THBS2: variants seen among roughly 807,000 people sequenced by gnomAD.
THBS2 encodes the protein thrombospondin-2.
THBS2 carries 47 observed loss-of-function variants against 135.2 expected under a neutral mutation model. The ratio of observed to expected loss-of-function variants is 0.35; its 90% CI spans 0.28 to 0.44. THBS2 has a LOEUF of 0.44. Among genes scored for constraint, THBS2 ranks in the 20% least tolerant of loss-of-function variants. The pLI is 1.00. For synonymous variants in THBS2, 639 were observed against 633.8 expected (o/e 1.01, Z -0.12); for missense variants, 1,288 against 1,603.1 (o/e 0.80, Z 3.36).
intron 17 of THBS2, among the ~76,000 whole-genome samples, chr6:169,224,327 A>G (rs991820925): frequency 2.0e-5 from 3 of 152,216 alleles, no homozygotes; most frequent in African/African-American, 7.2e-5. Context: ...GAAAGGCTGC[A>G]TGGGGAGCAA....
intron 2 of THBS2, among the ~76,000 whole-genome samples, chr6:169,249,990 A>C (rs550950571): frequency 4.3e-4 from 65 of 152,050 alleles, no homozygotes; most frequent in Non-Finnish European, 7.9e-4. Flanking sequence ...AGATCACGCC[A>C]CTGCACTCCA....
At chr6:169,222,964 T>TAGATCCA (rs1227160652) in intron 18 of THBS2, among the ~76,000 whole-genome samples, 1 of 152,178 alleles carries the variant, frequency 6.6e-6, no homozygotes, top group Non-Finnish European at 1.5e-5. Context: ...GTATTTCTTT[T>TAGATCCA]AGATCCAACT....
At chr6:169,239,782 A>ACCTTCTAGTTTTTTCC in intron 6 of THBS2, 87 bp from the exon 7 acceptor site, 1 of 975,264 alleles carries the variant, frequency 1.0e-6, no homozygotes, top group African/African-American at 1.6e-5. Flanking sequence ...GGGTCGACAG[A>ACCTTCTAGTTTTTTCC]ATGGCTGAAT....
At chr6:169,223,512 CAAA>C (rs1779507669) in intron 17 of THBS2, 37 bp from the exon 18 acceptor site, 9 of 1,585,476 alleles carry the variant, frequency 5.7e-6, no homozygotes, top group African/African-American at 2.7e-5. Flanking sequence ...AAAACAAAAA[CAAA>C]GAAGCAAAGT....
intron 19 of THBS2, 96 bp downstream of exon 19, chr6:169,222,101 C>CA (rs1779448452): frequency 7.1e-7 from 1 of 1,411,494 alleles, no homozygotes; most frequent in African/African-American, 1.4e-5. Context: ...TTAATAAAGA[C>CA]AAAAGTGGGG....
At chr6:169,239,300 G>T in intron 7 of THBS2, 2 of 429,470 alleles carry the variant, frequency 4.7e-6, no homozygotes, top group Non-Finnish European at 4.2e-6. Context: ...CTCAGCTGGG[G>T]CTCCATCGGG....
chr6:169,221,900 T>C (rs1779443244), intron 19 of THBS2, among the ~76,000 whole-genome samples: 1 of 152,244 alleles, frequency 6.6e-6, no homozygotes, highest in African/African-American at 2.4e-5. Context: ...AATATTTTTT[T>C]CATATTATAT....
Position 169,250,725 on chromosome 6 carries a change from A to T in THBS2, c.52+8T>A. ...CAGAGAGAGACCACAGGCTCTGAGG[A>T]CACTCACCTTGCGTGCTGGGCCACA... On this transcript the variant is annotated splice_region_variant and intron_variant, in intron 2 of 21. Transcript: ENST00000617924. 6.2e-7 allele frequency: 1 copy of T among 1,612,974 alleles called. No homozygotes were observed. The highest frequency in any genetic ancestry group is 1.3e-5 in the African/African-American group (1 of 75,018).
At chr6:169,229,794 CCT>C in intron 13 of THBS2, 115 bp from the exon 14 acceptor site, 1 of 774,328 alleles carries the variant, frequency 1.3e-6, no homozygotes, top group East Asian at 2.6e-5. Context: ...CCCCATCAGT[CCT>C]CGATCTCAAG....
Position 169,232,674 on chromosome 6 carries a change from GT to G in THBS2, c.1921del (p.Thr641ArgfsTer109). 6.2e-7 allele frequency: 1 copy of G among 1,604,662 alleles called. No homozygotes were observed. The highest frequency in any genetic ancestry group is 1.7e-5 in the Admixed American group (1 of 57,882). ...PVGVGLEAAK[T>X]EKQVCEPENP... ...GCCGGCCTTGCGTACTTGCTTTTCC[GT>G]CTTGGCTGCTTCCAGGCCGACCCCG... On this transcript the variant is annotated frameshift_variant, in exon 12 of 22. Coordinates refer to ENST00000617924, the MANE Select transcript of THBS2 (RefSeq NM_003247.5). LOFTEE classifies it high-confidence loss of function.
intron 9 of THBS2, among the ~76,000 whole-genome samples, chr6:169,236,442 TCATTGCCCCGTAAACACCATCCA>T (rs1437936726): frequency 5.7e-5 from 6 of 105,300 alleles, no homozygotes; most frequent in African/African-American, 1.5e-4. Context: ...CCATCCACAC[TCATTGCCCCGTAAACACCATCCA>T]CACTCACTCC....
At chr6:169,223,747 C>T (rs1018706678) in intron 17 of THBS2, among the ~76,000 whole-genome samples, 1 of 152,312 alleles carries the variant, frequency 6.6e-6, no homozygotes, top group East Asian at 1.9e-4. Context: ...CCATTTCTCA[C>T]CGTGTTCCAA....
At chr6:169,230,819 G>A (rs982919751) in intron 13 of THBS2, among the ~76,000 whole-genome samples, 5 of 152,052 alleles carry the variant, frequency 3.3e-5, no homozygotes, top group African/African-American at 1.2e-4. Context: ...TCAGTGCCTC[G>A]TTGATTTTAA....
chr6:169,232,077 G>A lies in THBS2; in HGVS notation c.2054C>T (p.Ala685Val), dbSNP rs1220879000. The change falls in exon 13 of 22, where the codon GCG (alanine) becomes GTG (valine). Residue 685 changes from alanine to valine, a missense_variant. Physicochemically the swap from Ala to Val is moderately conservative, Grantham distance 64. Around this residue, in one of 2 missense-constraint regions of THBS2, gnomAD observed 874 missense variants for 1,156.1 expected, o/e 0.76. Transcript: ENST00000617924. Reference protein sequence around the residue: ...MYKCECQTGYAGDGLICGEDS... With the variant: ...MYKCECQTGYVGDGLICGEDS... ...CTCCCCGCAGATGAGCCCGTCGCCC[G>A]CGTAGCCTGTCTGGCACTCGCACTT... The A allele has an allele frequency of 3.7e-6, 6 of 1,614,110 alleles. No individual in the cohort carries two copies. The highest frequency in any genetic ancestry group is 3.3e-5 in the Admixed American group (2 of 60,034).
chr6:169,224,210 A>G (rs1041060943), intron 17 of THBS2, among the ~76,000 whole-genome samples: 3 of 152,270 alleles, frequency 2.0e-5, no homozygotes, highest in Admixed American at 1.3e-4. Context: ...GTTCAAGAAC[A>G]TACTCCAGCT....
intron 4 of THBS2, 192 bp downstream of exon 4, chr6:169,246,005 T>G: frequency 2.3e-6 from 1 of 443,364 alleles, no homozygotes; most frequent in Non-Finnish European, 4.0e-6. Context: ...ATCAATTTAT[T>G]ATTTTCAGAT....
At chr6:169,245,403 C>T (rs551282003) in intron 4 of THBS2, among the ~76,000 whole-genome samples, 12 of 152,306 alleles carry the variant, frequency 7.9e-5, no homozygotes, top group Non-Finnish European at 1.3e-4. Flanking sequence ...ATATGATTCA[C>T]AATTGTAACT....
chr6:169,222,827 A>G (rs1583404910), intron 18 of THBS2, among the ~76,000 whole-genome samples: 1 of 132,080 alleles, frequency 7.6e-6, no homozygotes, highest in Non-Finnish European at 1.6e-5. Context: ...GAAAAAAAAA[A>G]GAAACAGGTT....
Position 169,234,871 on chromosome 6 carries a change from G to A in THBS2, c.1514C>T (p.Ala505Val). ...GRWSPWSPWS[A>V]CTVTCAGGIR... ...CCCACCGGCACAGGTGACAGTGCAGGCCGACCACGGGGACCAGGGGCTCCA... is the reference window on the plus strand; with the variant it reads ...CCCACCGGCACAGGTGACAGTGCAGACCGACCACGGGGACCAGGGGCTCCA... Residue 505 changes from alanine (A) to valine (V), a missense_variant, in exon 10 of 22, where the codon GCC becomes GTC. Around this residue, in one of 2 missense-constraint regions of THBS2, gnomAD observed 874 missense variants for 1,156.1 expected, o/e 0.76. Coordinates refer to ENST00000617924, the MANE Select transcript of THBS2 (RefSeq NM_003247.5). 1 of 1,612,052 alleles carries A rather than the reference G, an allele frequency of 6.2e-7. No homozygotes were observed. The highest frequency in any genetic ancestry group is 8.5e-7 in the Non-Finnish European group (1 of 1,179,136).
Sources: gnomAD v4.1 joint callset for allele counts (sites outside exome capture counted in the v4.1 genomes callset) on GRCh38, gnomAD v4.1.1 for gene constraint, gnomAD v4.1.1 regional missense constraint, MANE v1.5 for transcripts, NCBI Gene and HGNC (gene_info 2026-07-23, HGNC 2026-07-21) for gene names.